The following RTN1 variants were observed in gnomAD, a reference collection of about 807,000 sequenced individuals.
The protein encoded by RTN1 is reticulon-1.
RTN1 carries 25 observed loss-of-function variants against 65.5 expected under a neutral mutation model. The observed-to-expected ratio is 0.38, with a 90% CI of 0.28 to 0.53. The LOEUF is 0.53. RTN1 is among the 20% of genes least tolerant of loss of function. The probability of loss-of-function intolerance (pLI) is 0.79; values close to 1 mark genes in which losing one functional copy is unlikely to be tolerated. For synonymous variants in RTN1, 471 were observed against 447.6 expected (o/e 1.05, Z -0.66); for missense variants, 983 against 1,025.4 (o/e 0.96, Z 0.57).
intron 1 of RTN1, among the ~76,000 whole-genome samples, chr14:59,785,002 G>T (rs1886227117): frequency 6.6e-6 from 1 of 152,158 alleles, no homozygotes; most frequent in South Asian, 2.1e-4. Context: ...AAATTGATCT[G>T]TTTGTCATAT....
intron 1 of RTN1, among the ~76,000 whole-genome samples, chr14:59,765,578 C>G (rs1429428396): frequency 2.0e-5 from 3 of 152,020 alleles, no homozygotes; most frequent in Non-Finnish European, 4.4e-5. Context: ...CATAAACAAG[C>G]TAGTATGTGA....
At chr14:59,730,729 C>T (rs1357808967) in intron 2 of RTN1, among the ~76,000 whole-genome samples, 1 of 152,042 alleles carries the variant, frequency 6.6e-6, no homozygotes, top group Non-Finnish European at 1.5e-5. Context: ...TTACAAATGG[C>T]CAAAATGCAC....
chr14:59,820,895 C>T (rs1344542427), intron 1 of RTN1, among the ~76,000 whole-genome samples: 1 of 152,210 alleles, frequency 6.6e-6, no homozygotes, highest in Non-Finnish European at 1.5e-5. Flanking sequence ...CAATACTATG[C>T]TGTTTTGTTT....
At chr14:59,729,823 A>G (rs1030365794) in intron 2 of RTN1, among the ~76,000 whole-genome samples, 1 of 152,158 alleles carries the variant, frequency 6.6e-6, no homozygotes, top group Non-Finnish European at 1.5e-5. Flanking sequence ...AGGCTGACCT[A>G]CATAGAAAGC....
At chr14:59,755,285 T>C (rs960011765) in intron 1 of RTN1, among the ~76,000 whole-genome samples, 36 of 152,130 alleles carry the variant, frequency 2.4e-4, no homozygotes, top group African/African-American at 8.2e-4. Flanking sequence ...GAAACAAAAA[T>C]GCCAATTATT....
chr14:59,685,818 C>A (rs1883835284), intron 3 of RTN1, among the ~76,000 whole-genome samples: 1 of 152,084 alleles, frequency 6.6e-6, no homozygotes, highest in Admixed American at 6.6e-5. Flanking sequence ...AAAAACAAAC[C>A]AGAAATCTGT....
intron 3 of RTN1, among the ~76,000 whole-genome samples, chr14:59,641,229 A>G (rs963009574): frequency 6.6e-6 from 1 of 152,122 alleles, no homozygotes; most frequent in Non-Finnish European, 1.5e-5. Flanking sequence ...TGGCCTCCCA[A>G]GTGTTAGGAT....
chr14:59,798,045 T>C (rs1886471151), intron 1 of RTN1, among the ~76,000 whole-genome samples: 1 of 152,136 alleles, frequency 6.6e-6, no homozygotes, highest in African/African-American at 2.4e-5. Context: ...AAGAGCAGAG[T>C]CATGATTCTT....
In RTN1 at chr14:59,701,827, T is replaced by C. The variant is rs1322253244; in HGVS notation, c.1765+25092A>G. Among the ~76,000 whole-genome samples, 4 of 152,180 alleles carry C rather than the reference T, an allele frequency of 2.6e-5. No individual in the cohort carries two copies. The East Asian group carries it at 5.8e-4, about 22-fold the overall frequency. On this transcript the variant is annotated intron_variant, in intron 3 of 8. Coordinates refer to ENST00000267484, the MANE Select transcript of RTN1 (RefSeq NM_021136.3). Reference sequence around the variant, plus strand: ...CTTTAAAAGGGTGAATTTTATGGTATGTGACTATATCTCAATAAAGCTGTA... The same window carrying C: ...CTTTAAAAGGGTGAATTTTATGGTACGTGACTATATCTCAATAAAGCTGTA...
intron 3 of RTN1, among the ~76,000 whole-genome samples, chr14:59,642,458 C>T (rs1378579685): frequency 6.6e-6 from 1 of 152,086 alleles, no homozygotes; most frequent in African/African-American, 2.4e-5. Flanking sequence ...TATGCTAGAC[C>T]TTCTGAAAAT....
intron 8 of RTN1, among the ~76,000 whole-genome samples, chr14:59,598,147 C>T (rs2349693): frequency 0.46 from 69,158 of 151,860 alleles, 18,068 homozygotes; most frequent in East Asian, 0.84. Context: ...TCCAAGTACC[C>T]GAAGGCAATG....
intron 3 of RTN1, among the ~76,000 whole-genome samples, chr14:59,718,488 C>T (rs189964077): frequency 6.6e-6 from 1 of 152,190 alleles, no homozygotes; most frequent in Non-Finnish European, 1.5e-5. Flanking sequence ...GTATCTAACT[C>T]TAAATAACCA....
chr14:59,690,480 C>T (rs1883938521), intron 3 of RTN1, among the ~76,000 whole-genome samples: 1 of 152,012 alleles, frequency 6.6e-6, no homozygotes, highest in African/African-American at 2.4e-5. Flanking sequence ...AAAGACTTAG[C>T]CACATAAATA....
At chr14:59,649,285 G>A (rs967435665) in intron 3 of RTN1, among the ~76,000 whole-genome samples, 3 of 152,100 alleles carry the variant, frequency 2.0e-5, no homozygotes, top group Non-Finnish European at 2.9e-5. Flanking sequence ...TTAAAAGTAA[G>A]ACCTAAAACC....
Position 59,796,759 on chromosome 14 carries a change from T to G in RTN1, c.242-50278A>C, listed in dbSNP as rs73302053. 2.8e-3 allele frequency among the ~76,000 whole-genome samples: 433 copies of G among 152,312 alleles called. 3 individuals carry two copies. Among genetic ancestry groups the G allele is most frequent in the African/African-American group, 0.01 (423 of 41,600 alleles). ...CAACCTCTGTAAACAGTAGAGGTAC[T>G]CCTTCCAATTTTCTCCAAAGAAATT... On this transcript the variant is annotated intron_variant, in intron 1 of 8. Transcript: ENST00000267484.
chr14:59,623,204 C>G (rs1222162050), intron 3 of RTN1, among the ~76,000 whole-genome samples: 1 of 152,234 alleles, frequency 6.6e-6, no homozygotes, highest in Admixed American at 6.5e-5. Context: ...AAGGCAAAAA[C>G]TACTTTATCC....
chr14:59,726,464 A>T (rs1481160593), intron 3 of RTN1, among the ~76,000 whole-genome samples: 1 of 152,150 alleles, frequency 6.6e-6, no homozygotes, highest in Admixed American at 6.5e-5. Context: ...TCCATTTTGC[A>T]TACTTAAGAA....
At position 59,752,841 on chromosome 14, in the gene RTN1, G is replaced by C. The variant is rs183914973; in HGVS notation, c.242-6360C>G. ...ATTACAAAGAGGACATTTTAAATCT[G>C]TCATGCAAAAAACAGTCTAAAATGT... On this transcript the variant is annotated intron_variant, in intron 1 of 8. Transcript: ENST00000267484. Among the ~76,000 whole-genome samples the C allele has an allele frequency of 3.3e-5, 5 of 152,200 alleles. No individual in the cohort carries two copies. In the East Asian group the frequency reaches 9.6e-4, roughly 29 times the overall value.
In RTN1 at chr14:59,603,090, T is replaced by C. The variant is rs2140159619; in HGVS notation, c.2263A>G (p.Thr755Ala). 1 of 1,613,448 alleles carries C rather than the reference T, an allele frequency of 6.2e-7. No individual in the cohort carries two copies. The highest frequency in any genetic ancestry group is 8.5e-7 in the Non-Finnish European group (1 of 1,179,750). ...QIDQYLGLVR[T>A]HINAVVAKIQ... ...TTTGCCACAACAGCATTTATGTGAG[T>C]CCTCACAAGTCCCAGATATTGGTCA... The change falls in exon 8 of 9, where the codon ACT becomes GCT. Residue 755 changes from threonine to alanine, a missense_variant. By Grantham distance (58) the Thr-to-Ala change is moderately conservative. This residue lies in a region of RTN1 where 165 missense variants were observed against 223.6 expected (regional missense o/e 0.74). Transcript: ENST00000267484.
Sources: gnomAD v4.1 joint callset for allele counts (sites outside exome capture counted in the v4.1 genomes callset) on GRCh38, gnomAD v4.1.1 for gene constraint, gnomAD v4.1.1 regional missense constraint, MANE v1.5 for transcripts, NCBI Gene and HGNC (gene_info 2026-07-23, HGNC 2026-07-21) for gene names.